Variants in PARD3B observed in about 807,000 individuals in gnomAD.
PARD3B encodes par-3 family cell polarity regulator beta, also known as partitioning defective 3 homolog B.
PARD3B carries 103 observed loss-of-function variants against 130.2 expected under a neutral mutation model. That is an observed-to-expected ratio of 0.79 (90% CI 0.67 to 0.93). The LOEUF (loss-of-function observed/expected upper bound fraction) is 0.93. Ranked by LOEUF, PARD3B falls within the 40% of genes least tolerant of loss-of-function variation. PARD3B has a pLI of 0.00. For synonymous variants in PARD3B, 583 were observed against 553.2 expected (o/e 1.05, Z -0.76); for missense variants, 1,609 against 1,499.2 (o/e 1.07, Z -1.21).
intron 22 of PARD3B, among the ~76,000 whole-genome samples, chr2:205,578,519 G>A (rs1204791759): frequency 6.6e-6 from 1 of 152,016 alleles, no homozygotes; most frequent in Non-Finnish European, 1.5e-5. Flanking sequence ...AGCAAATGAA[G>A]GTATATCTAC....
chr2:204,806,301 A>G (rs1264689019), intron 2 of PARD3B, among the ~76,000 whole-genome samples: 1 of 152,210 alleles, frequency 6.6e-6, no homozygotes, highest in East Asian at 1.9e-4. Context: ...CACATAGACC[A>G]ATGGAACAGA....
intron 16 of PARD3B, among the ~76,000 whole-genome samples, chr2:205,275,829 C>T (rs2040922308): frequency 2.8e-5 from 2 of 71,368 alleles, no homozygotes; most frequent in Non-Finnish European, 4.8e-5. Flanking sequence ...AAGAGTGAAA[C>T]TTTGTCTCAA....
intron 2 of PARD3B, among the ~76,000 whole-genome samples, chr2:204,825,297 A>AG (rs1210858043): frequency 6.6e-6 from 1 of 152,220 alleles, no homozygotes; most frequent in African/African-American, 2.4e-5. Flanking sequence ...GGGAGAGTTC[A>AG]GGATCTCTAG....
At chr2:205,254,359 C>T (rs1281140409) in intron 16 of PARD3B, among the ~76,000 whole-genome samples, 1 of 151,908 alleles carries the variant, frequency 6.6e-6, no homozygotes, top group East Asian at 1.9e-4. Context: ...AATGGACCTC[C>T]CAGTCTATGT....
intron 18 of PARD3B, among the ~76,000 whole-genome samples, chr2:205,395,324 A>G: frequency 6.6e-6 from 1 of 152,176 alleles, no homozygotes; most frequent in Non-Finnish European, 1.5e-5. Flanking sequence ...AATCTAATGA[A>G]CGCTTTTCAG....
At chr2:205,361,186 CCAAA>C (rs2044375783) in intron 18 of PARD3B, among the ~76,000 whole-genome samples, 1 of 152,164 alleles carries the variant, frequency 6.6e-6, no homozygotes, top group South Asian at 2.1e-4. Context: ...CAGATAACTG[CCAAA>C]CAGACTCAGG....
Position 205,490,010 on chromosome 2 carries a change from G to A in PARD3B, c.3045-9886G>A, listed in dbSNP as rs115270393. Among the ~76,000 whole-genome samples the A allele has an allele frequency of 3.9e-5, 6 of 152,270 alleles. No individual in the cohort carries two copies. The South Asian group carries it at 8.3e-4, about 21-fold the overall frequency. On this transcript the variant is annotated intron_variant, in intron 20 of 22. Transcript: ENST00000406610. ...AATCACATAGGAGGAAGTTGCCTTC[G>A]TGAATCAATGGATTACTTTCAGTGG...
chr2:204,937,367 A>G (rs926543993), intron 2 of PARD3B, among the ~76,000 whole-genome samples: 14 of 152,132 alleles, frequency 9.2e-5, no homozygotes, highest in African/African-American at 3.4e-4. Context: ...ACTTGACTGT[A>G]GTTCCTTGGA....
chr2:205,561,857 T>C (rs1029663828), intron 22 of PARD3B, among the ~76,000 whole-genome samples: 3 of 152,192 alleles, frequency 2.0e-5, no homozygotes, highest in Non-Finnish European at 4.4e-5. Context: ...TCAGTGAAGC[T>C]CTTTTACCCC....
Position 205,309,459 on chromosome 2 carries a change from G to A in PARD3B, c.2630+7758G>A, listed in dbSNP as rs10199814. ...TGTTCCTAAGCCTTACAGATTTTAA[G>A]GCATATATGTTTACTTCATTTTATT... On this transcript the variant is annotated intron_variant, in intron 18 of 22. Coordinates refer to ENST00000406610, the MANE Select transcript of PARD3B (RefSeq NM_001302769.2). The surrounding 1 kb of genome is among the most constrained non-coding windows in gnomAD (Gnocchi z 4.7). Among the ~76,000 whole-genome samples the A allele has an allele frequency of 0.054, 8,140 of 152,140 alleles. 689 individuals are homozygous for A. Among genetic ancestry groups the A allele is most frequent in the African/African-American group, 0.18 (7,475 of 41,456 alleles).
At chr2:205,189,033 T>C (rs1358874310) in intron 14 of PARD3B, among the ~76,000 whole-genome samples, 1 of 152,168 alleles carries the variant, frequency 6.6e-6, no homozygotes, top group Non-Finnish European at 1.5e-5. Context: ...GGAAATAAAC[T>C]TACTGTGAGA....
At chr2:205,254,733 G>A (rs1397923507) in intron 16 of PARD3B, among the ~76,000 whole-genome samples, 6 of 149,988 alleles carry the variant, frequency 4.0e-5, no homozygotes, top group Non-Finnish European at 7.4e-5. Context: ...GCGCGATCTC[G>A]GCTCACTGCA....
Position 205,440,575 on chromosome 2 carries a change from C to T in PARD3B, c.2947C>T (p.Pro983Ser). 1 of 1,614,030 alleles carries T rather than the reference C, an allele frequency of 6.2e-7. No homozygotes were observed. Among genetic ancestry groups the T allele is most frequent in the Non-Finnish European group, 8.5e-7 (1 of 1,179,936 alleles). Residue 983 changes from proline to serine, a missense_variant, in exon 20 of 23, where the codon CCT (proline) becomes TCT (serine). Physicochemically the swap from Pro to Ser is moderately conservative, Grantham distance 74. Coordinates refer to ENST00000406610, the MANE Select transcript of PARD3B (RefSeq NM_001302769.2). This position sits in a 1 kb window ranked among gnomAD's most constrained non-coding sequence, Gnocchi z 4.2. ...CCCTCGAGCTGGACCATTTGGTTACCCTCGGGATGGCCATCCACTGTCTCC... is the reference window on the plus strand; with the variant it reads ...CCCTCGAGCTGGACCATTTGGTTACTCTCGGGATGGCCATCCACTGTCTCC... ...SPPRAGPFGYPRDGHPLSPER... is the reference protein window; with the variant it reads ...SPPRAGPFGYSRDGHPLSPER...
chr2:204,943,644 TG>T lies in PARD3B; in HGVS notation c.223-21507del, dbSNP rs1689088605. The stretch of plus-strand genomic sequence containing the variant: ...CAGTTTGGAATTTATTTTGTTTTAT[TG>T]TATTGGATTCCATATTAATAGAGGT... On this transcript the variant is annotated intron_variant, in intron 2 of 22. Coordinates refer to ENST00000406610, the MANE Select transcript of PARD3B (RefSeq NM_001302769.2). The surrounding 1 kb of genome is among the most constrained non-coding windows in gnomAD (Gnocchi z 4.2). 1.3e-5 allele frequency among the ~76,000 whole-genome samples: 2 copies of T among 152,216 alleles called. No individual in the cohort carries two copies. The highest frequency in any genetic ancestry group is 2.4e-5 in the African/African-American group (1 of 41,450).
In PARD3B at chr2:205,568,330, T is replaced by C. The variant is rs967086227; in HGVS notation, c.3260+14927T>C. ...TGGTCATGTCTTGTACGGAACACAG[T>C]GAATGCCAATAGCACCAACAGAGCA... is the stretch of plus-strand genomic sequence containing the variant. On this transcript the variant is annotated intron_variant, in intron 22 of 22. Transcript: ENST00000406610. This position sits in a 1 kb window ranked among gnomAD's most constrained non-coding sequence, Gnocchi z 5.3. 6.6e-6 allele frequency among the ~76,000 whole-genome samples: 1 copy of C among 152,204 alleles called. No individual in the cohort carries two copies. The highest frequency in any genetic ancestry group is 2.4e-5 in the African/African-American group (1 of 41,448).
At chr2:204,761,503 C>T (rs1385310370) in intron 2 of PARD3B, among the ~76,000 whole-genome samples, 1 of 151,866 alleles carries the variant, frequency 6.6e-6, no homozygotes, top group Non-Finnish European at 1.5e-5. Context: ...AGTTGTGTGG[C>T]CACTTCTGGG....
intron 2 of PARD3B, among the ~76,000 whole-genome samples, chr2:204,864,921 A>G (rs1469029472): frequency 6.6e-6 from 1 of 152,160 alleles, no homozygotes. Context: ...GAAATATGAT[A>G]TACAGCAAGA....
At position 205,592,910 on chromosome 2, in the gene PARD3B, A is replaced by G. The variant is rs1181365022; in HGVS notation, c.3261-22546A>G. 1.3e-5 allele frequency among the ~76,000 whole-genome samples: 2 copies of G among 152,196 alleles called. No homozygotes were observed. ...CTGCAGCAGATGCCCCATGGCACTG[A>G]CTCAGCCTTGAGCAGAAGCACTGTG... is the stretch of plus-strand genomic sequence containing the variant. On this transcript the variant is annotated intron_variant, in intron 22 of 22. Transcript: ENST00000406610. The surrounding 1 kb of genome is among the most constrained non-coding windows in gnomAD (Gnocchi z 4.5).
chr2:205,538,405 C>T (rs1416755484), intron 21 of PARD3B, among the ~76,000 whole-genome samples: 1 of 152,102 alleles, frequency 6.6e-6, no homozygotes, highest in Non-Finnish European at 1.5e-5. Flanking sequence ...GCTTGGATGC[C>T]ATGCTCAAGA....
Sources: allele counts gnomAD v4.1 joint callset (sites outside exome capture counted in the v4.1 genomes callset), GRCh38; gene constraint gnomAD v4.1.1; non-coding constraint Gnocchi (gnomAD v3.1); transcripts MANE v1.5; gene names NCBI Gene and HGNC (gene_info 2026-07-23, HGNC 2026-07-21).